Variants in MYRIP observed in about 807,000 individuals in gnomAD.
MYRIP encodes myosin VIIA and Rab interacting protein.
In MYRIP, 49 loss-of-function variants were observed where a neutral mutation model predicts 98.0. The ratio of observed to expected loss-of-function variants is 0.50; its 90% confidence interval spans 0.40 to 0.63. MYRIP has a LOEUF of 0.63. Ranked by LOEUF, MYRIP falls within the 30% of genes least tolerant of loss-of-function variation. The probability of loss-of-function intolerance (pLI) is 0.00; values close to 1 mark genes in which losing one functional copy is unlikely to be tolerated. For missense variants in MYRIP, 1,004 were observed against 1,058.2 expected (o/e 0.95, Z 0.71); for synonymous variants, 404 against 409.5 (o/e 0.99, Z 0.16).
At chr3:40,150,484 G>A (rs1013163276) in intron 3 of MYRIP, among the ~76,000 whole-genome samples, 1 of 152,348 alleles carries the variant, frequency 6.6e-6, no homozygotes, top group Admixed American at 6.5e-5. Flanking sequence ...AGAGGCTGGA[G>A]AATTTTGCTA....
intron 1 of MYRIP, among the ~76,000 whole-genome samples, chr3:39,854,188 T>C (rs923529247): frequency 5.9e-5 from 9 of 152,174 alleles, no homozygotes; most frequent in Admixed American, 3.3e-4. Flanking sequence ...AGTTAGGTAA[T>C]GTGATCTAGC....
chr3:40,009,400 C>T (rs1026392077), intron 2 of MYRIP, among the ~76,000 whole-genome samples: 10 of 152,078 alleles, frequency 6.6e-5, no homozygotes, highest in Admixed American at 5.9e-4. Flanking sequence ...CCACACCTGG[C>T]TAATTTTTTG....
chr3:39,944,366 TAAAA>T (rs1478078762), intron 2 of MYRIP, among the ~76,000 whole-genome samples: 1 of 152,058 alleles, frequency 6.6e-6, no homozygotes. Context: ...ATGTTGTTAT[TAAAA>T]AAAGAATAAG....
chr3:40,123,471 G>A (rs1949449488), intron 3 of MYRIP, among the ~76,000 whole-genome samples: 1 of 152,224 alleles, frequency 6.6e-6, no homozygotes, highest in Admixed American at 6.5e-5. Context: ...CTCGTTCCCT[G>A]TGGCCTCCCC....
chr3:40,101,910 G>T (rs1337777349), intron 3 of MYRIP, among the ~76,000 whole-genome samples: 2 of 152,172 alleles, frequency 1.3e-5, no homozygotes, highest in Non-Finnish European at 2.9e-5. Context: ...TGATCTGAGG[G>T]TTAGTGGGCC....
chr3:40,091,782 C>T (rs1402101430), intron 3 of MYRIP, among the ~76,000 whole-genome samples: 1 of 152,048 alleles, frequency 6.6e-6, no homozygotes, highest in Non-Finnish European at 1.5e-5. Context: ...GGATTCTTGT[C>T]CAAGCAGCAT....
chr3:39,983,243 C>A (rs889081621), intron 2 of MYRIP, among the ~76,000 whole-genome samples: 2 of 152,264 alleles, frequency 1.3e-5, no homozygotes, highest in Admixed American at 6.5e-5. Flanking sequence ...CTGAGTAAAA[C>A]CATCAAGTCA....
At chr3:40,238,958 CA>C (rs2060930483) in intron 12 of MYRIP, among the ~76,000 whole-genome samples, 2 of 151,706 alleles carry the variant, frequency 1.3e-5, no homozygotes, top group Non-Finnish European at 2.9e-5. Context: ...GCACAATGTG[CA>C]GGTTAGTTAC....
In MYRIP at chr3:39,891,186, G is replaced by GT. The variant is rs138956165; in HGVS notation, c.-30-9592dup. Among the ~76,000 whole-genome samples the GT allele has an allele frequency of 9.5e-3, 1,434 of 150,684 alleles. 26 individuals are homozygous for GT. The highest frequency in any genetic ancestry group is 0.032 in the African/African-American group (1,319 of 41,106). On this transcript the variant is annotated intron_variant, in intron 1 of 16. Transcript: ENST00000302541. Reference sequence around the variant, plus strand: ...CCAAGTTCAAACAAGAAATCAGCCTGTTTTTTTTTAAGCTGCCTAAAGGTA... The same window carrying GT: ...CCAAGTTCAAACAAGAAATCAGCCTGTTTTTTTTTTAAGCTGCCTAAAGGTA...
At chr3:39,876,186 T>G (rs1453148815) in intron 1 of MYRIP, among the ~76,000 whole-genome samples, 2 of 152,198 alleles carry the variant, frequency 1.3e-5, no homozygotes, top group Non-Finnish European at 2.9e-5. Flanking sequence ...TTGTTTTCCA[T>G]TTGCTTGGTA....
intron 2 of MYRIP, among the ~76,000 whole-genome samples, chr3:40,014,541 C>T (rs1946820596): frequency 6.6e-6 from 1 of 152,124 alleles, no homozygotes; most frequent in Non-Finnish European, 1.5e-5. Context: ...GGACCCACAC[C>T]AGAGTCCACT....
intron 11 of MYRIP, among the ~76,000 whole-genome samples, chr3:40,216,129 A>G (rs1482096784): frequency 6.6e-6 from 1 of 152,210 alleles, no homozygotes; most frequent in Non-Finnish European, 1.5e-5. Flanking sequence ...CCAGAACTCC[A>G]ATGCAGACAT....
intron 1 of MYRIP, among the ~76,000 whole-genome samples, chr3:39,880,111 G>A (rs1367626957): frequency 1.3e-5 from 2 of 151,964 alleles, no homozygotes; most frequent in South Asian, 2.1e-4. Context: ...CAACGTGCAG[G>A]TTTGTTACAT....
intron 5 of MYRIP, among the ~76,000 whole-genome samples, chr3:40,166,369 A>G (rs1327693723): frequency 2.0e-5 from 3 of 152,190 alleles, no homozygotes; most frequent in Admixed American, 1.3e-4. Context: ...CCAGTGCTTC[A>G]TGTTAGGATA....
intron 2 of MYRIP, among the ~76,000 whole-genome samples, chr3:40,001,436 G>C (rs1479332959): frequency 6.6e-6 from 1 of 152,120 alleles, no homozygotes; most frequent in South Asian, 2.1e-4. Context: ...TTCCCTCACT[G>C]GTAAGTACAG....
intron 2 of MYRIP, among the ~76,000 whole-genome samples, chr3:40,007,617 G>A (rs1946663018): frequency 6.6e-6 from 1 of 152,176 alleles, no homozygotes; most frequent in Non-Finnish European, 1.5e-5. Flanking sequence ...TGTGGCTCCT[G>A]GCCCAGAGCA....
intron 1 of MYRIP, among the ~76,000 whole-genome samples, chr3:39,839,862 A>G (rs1023490103): frequency 6.6e-6 from 1 of 152,118 alleles, no homozygotes. Flanking sequence ...CCGTTCCTTT[A>G]CATTTGCTGA....
At chr3:40,225,690 A>G (rs1422574761) in intron 11 of MYRIP, among the ~76,000 whole-genome samples, 4 of 152,316 alleles carry the variant, frequency 2.6e-5, no homozygotes, top group South Asian at 2.1e-4. Context: ...GGTTGAATAA[A>G]ATAATGAGAA....
intron 2 of MYRIP, among the ~76,000 whole-genome samples, chr3:39,937,327 G>T (rs1225388676): frequency 6.6e-6 from 1 of 152,202 alleles, no homozygotes; most frequent in Non-Finnish European, 1.5e-5. Context: ...AAACCATGTT[G>T]TTCTTATTTT....
Sources: gnomAD v4.1 joint callset for allele counts (sites outside exome capture counted in the v4.1 genomes callset) on GRCh38, gnomAD v4.1.1 for gene constraint, MANE v1.5 for transcripts, NCBI Gene and HGNC (gene_info 2026-07-23, HGNC 2026-07-21) for gene names.